Variants in PRKACB observed in about 807,000 individuals in gnomAD.
The protein encoded by PRKACB is cAMP-dependent protein kinase catalytic subunit beta.
In PRKACB, 16 loss-of-function variants were observed where a neutral mutation model predicts 51.4. The observed-to-expected ratio is 0.31, with a 90% confidence interval of 0.21 to 0.47. The LOEUF is 0.47. Ranked by LOEUF, PRKACB falls within the 20% of genes least tolerant of loss-of-function variation. The probability of loss-of-function intolerance (pLI) is 1.00; values close to 1 mark genes in which losing one functional copy is unlikely to be tolerated. For synonymous variants in PRKACB, 147 were observed against 154.4 expected, an observed-to-expected ratio of 0.95 and a Z score of 0.35; for missense variants, 309 against 464.5, an observed-to-expected ratio of 0.67 and a Z score of 3.08.
intron 1 of PRKACB, chr1:84,175,006 T>G (rs762729119): frequency 1.4e-6 from 2 of 1,459,570 alleles, no homozygotes; most frequent in Non-Finnish European, 9.1e-7. Flanking sequence ...AATTTAATCA[T>G]TTTCTAATTT....
chr1:84,131,462 G>A (rs558849005), intron 1 of PRKACB, among the ~76,000 whole-genome samples: 2 of 152,188 alleles, frequency 1.3e-5, no homozygotes, highest in Non-Finnish European at 2.9e-5. Flanking sequence ...AGATGTTCAA[G>A]TAATTCAAAA....
intron 4 of PRKACB, among the ~76,000 whole-genome samples, chr1:84,184,556 A>G (rs531560614): frequency 6.6e-6 from 1 of 151,894 alleles, no homozygotes; most frequent in Non-Finnish European, 1.5e-5. Context: ...TTGTTCCACT[A>G]TTCAAATGTC....
chr1:84,191,751 G>T (rs1371028060), intron 5 of PRKACB, among the ~76,000 whole-genome samples: 1 of 151,964 alleles, frequency 6.6e-6, no homozygotes, highest in Non-Finnish European at 1.5e-5. Context: ...CTGGATGATA[G>T]GAACATTCAT....
chr1:84,153,194 G>T (rs1445026769), intron 1 of PRKACB, among the ~76,000 whole-genome samples: 1 of 152,108 alleles, frequency 6.6e-6, no homozygotes, highest in Non-Finnish European at 1.5e-5. Flanking sequence ...GGTGCAGTTT[G>T]TGGTGCCCTA....
chr1:84,080,861 CCATT>C (rs918139979), intron 1 of PRKACB, among the ~76,000 whole-genome samples: 1 of 150,902 alleles, frequency 6.6e-6, no homozygotes, highest in African/African-American at 2.5e-5. Context: ...TGCCTGGACT[CCATT>C]CAGCATCAAT....
chr1:84,095,893 C>G (rs1051482174), intron 1 of PRKACB, among the ~76,000 whole-genome samples: 16 of 151,868 alleles, frequency 1.1e-4, no homozygotes, highest in Admixed American at 3.9e-4. Context: ...TTAATCATAG[C>G]TATATTAAAG....
chr1:84,085,021 C>T (rs969261145), intron 1 of PRKACB, among the ~76,000 whole-genome samples: 3 of 152,140 alleles, frequency 2.0e-5, no homozygotes, highest in Non-Finnish European at 4.4e-5. Flanking sequence ...GCATAACTTA[C>T]ATAAGTTAAG....
At chr1:84,101,575 C>T (rs1649354240) in intron 1 of PRKACB, among the ~76,000 whole-genome samples, 1 of 152,176 alleles carries the variant, frequency 6.6e-6, no homozygotes, top group South Asian at 2.1e-4. Context: ...TTATCACCTC[C>T]TCATCTCCCA....
intron 1 of PRKACB, among the ~76,000 whole-genome samples, chr1:84,167,359 CA>C (rs1343052059): frequency 6.6e-6 from 1 of 151,490 alleles, no homozygotes; most frequent in South Asian, 2.1e-4. Context: ...GTTTTGTTTG[CA>C]AAATCTCTCT....
chr1:84,207,158 C>A (rs1220478340), intron 8 of PRKACB, among the ~76,000 whole-genome samples: 1 of 152,092 alleles, frequency 6.6e-6, no homozygotes, highest in Non-Finnish European at 1.5e-5. Flanking sequence ...TTATTAATAC[C>A]TTCTTTCTGA....
intron 1 of PRKACB, among the ~76,000 whole-genome samples, chr1:84,113,991 A>T (rs1361810935): frequency 6.6e-6 from 1 of 152,216 alleles, no homozygotes; most frequent in East Asian, 1.9e-4. Flanking sequence ...TACATAAGTT[A>T]TCTCAAGAAA....
At chr1:84,197,703 A>ACTAG (rs1668597867) in intron 6 of PRKACB, 26 bp from the exon 7 acceptor site, 5 of 1,465,572 alleles carry the variant, frequency 3.4e-6, no homozygotes, top group Non-Finnish European at 3.8e-6. Flanking sequence ...ATACATTTTC[A>ACTAG]CTAGTATTCT....
At chr1:84,138,095 G>A (rs1653007493) in intron 1 of PRKACB, among the ~76,000 whole-genome samples, 1 of 152,188 alleles carries the variant, frequency 6.6e-6, no homozygotes, top group African/African-American at 2.4e-5. Context: ...CCATTCTCCA[G>A]TAAAAGGAAC....
At chr1:84,078,495 G>A (rs1571488458) in intron 1 of PRKACB, 10 of 1,099,590 alleles carry the variant, frequency 9.1e-6, no homozygotes, top group Non-Finnish European at 1.2e-5. Context: ...GCCGGGAGTC[G>A]TTCTGGGGGG....
intron 9 of PRKACB, among the ~76,000 whole-genome samples, chr1:84,226,663 C>A (rs1023843018): frequency 1.3e-5 from 2 of 152,094 alleles, no homozygotes; most frequent in African/African-American, 4.8e-5. Context: ...ATTGGCATAT[C>A]ATTTTGTCTG....
In PRKACB at chr1:84,082,075, C is replaced by G. The variant is rs1001802501; in HGVS notation, c.46+3704C>G. ...CTTTCCGTGTATAAACTTTTACTTA[C>G]TCTTTTAAACTGTAAAGCACTTGAG... On this transcript the variant is annotated intron_variant, in intron 1 of 8. Transcript: ENST00000370688. 6.7e-4 allele frequency among the ~76,000 whole-genome samples: 102 copies of G among 152,290 alleles called. 1 individual carries two copies. Among genetic ancestry groups the G allele is most frequent in the Admixed American group, 6.6e-3 (101 of 15,282 alleles).
intron 2 of PRKACB, among the ~76,000 whole-genome samples, 154 bp from the exon 3 acceptor site, chr1:84,182,046 C>G (rs371980693): frequency 6.3e-4 from 96 of 152,012 alleles, no homozygotes; most frequent in African/African-American, 2.2e-3. Context: ...AAAATAGAAC[C>G]AATAAACTGG....
chr1:84,148,113 G>T (rs1484915758), intron 1 of PRKACB, among the ~76,000 whole-genome samples: 1 of 152,152 alleles, frequency 6.6e-6, no homozygotes, highest in Non-Finnish European at 1.5e-5. Flanking sequence ...GCATGGCAAT[G>T]AATAGTCAGA....
At chr1:84,174,966 G>T in intron 1 of PRKACB, 1 of 1,363,682 alleles carries the variant, frequency 7.3e-7, no homozygotes, top group Non-Finnish European at 9.6e-7. Flanking sequence ...AATGCGTATT[G>T]GTGACTTCAT....
Sources: allele counts gnomAD v4.1 joint callset (sites outside exome capture counted in the v4.1 genomes callset), GRCh38; gene constraint gnomAD v4.1.1; transcripts MANE v1.5; gene names NCBI Gene and HGNC (gene_info 2026-07-23, HGNC 2026-07-21).